Variants in ANK1 observed in about 807,000 individuals in gnomAD.
ANK1 encodes ankyrin 1, also known as ankyrin-1.
ANK1 carries 51 observed loss-of-function variants against 210.4 expected under a neutral mutation model. That is an observed-to-expected ratio of 0.24 (90% CI 0.19 to 0.31). The LOEUF is 0.31. ANK1 is among the 10% of genes least tolerant of loss of function. The probability of loss-of-function intolerance (pLI) is 1.00; values close to 1 mark genes in which losing one functional copy is unlikely to be tolerated. For missense variants in ANK1, 2,051 were observed against 2,504.4 expected (o/e 0.82, Z 3.86); for synonymous variants, 967 against 1,025.9 (o/e 0.94, Z 1.10).
intron 12 of ANK1, 35 bp downstream of exon 12, chr8:41,717,569 T>C: frequency 6.5e-7 from 1 of 1,530,406 alleles, no homozygotes; most frequent in Non-Finnish European, 8.9e-7. Flanking sequence ...GCTCTTGGTC[T>C]AGGGGAGCAA....
intron 1 of ANK1, among the ~76,000 whole-genome samples, chr8:41,834,101 CT>C (rs1316411334): frequency 3.3e-5 from 5 of 152,148 alleles, no homozygotes; most frequent in Admixed American, 2.6e-4. Flanking sequence ...GGGTTTCCCC[CT>C]GTCCCAAGCA....
At chr8:41,832,786 G>A (rs924623301) in intron 1 of ANK1, among the ~76,000 whole-genome samples, 3 of 152,222 alleles carry the variant, frequency 2.0e-5, no homozygotes, top group African/African-American at 7.2e-5. Flanking sequence ...TCTGTCCTGT[G>A]CAATATTTGT....
intron 38 of ANK1, among the ~76,000 whole-genome samples, chr8:41,669,441 C>T (rs1319528183): frequency 2.0e-5 from 3 of 152,046 alleles, no homozygotes; most frequent in Non-Finnish European, 4.4e-5. Context: ...GGACTGCAGG[C>T]ACACGCCACC....
upstream of ANK1, among the ~76,000 whole-genome samples, chr8:41,798,234 G>A (rs938791012): frequency 2.0e-5 from 3 of 152,036 alleles, no homozygotes; most frequent in Non-Finnish European, 4.4e-5. Flanking sequence ...CTCCAAGGCC[G>A]GGGAGCCTCC....
chr8:41,661,096 G>A, intron 42 of ANK1: 1 of 359,588 alleles, frequency 2.8e-6, no homozygotes, highest in Non-Finnish European at 5.3e-6. Flanking sequence ...GGCTGGTCTT[G>A]AACTCCTGGC....
chr8:41,808,172 C>T (rs1055282056), intron 1 of ANK1, among the ~76,000 whole-genome samples: 3 of 152,188 alleles, frequency 2.0e-5, no homozygotes, highest in Non-Finnish European at 4.4e-5. Context: ...CTACCTGCTG[C>T]ACCAACTCAG....
At chr8:41,796,612 G>A (rs1283794483) in intron 1 of ANK1, among the ~76,000 whole-genome samples, 2 of 149,802 alleles carry the variant, frequency 1.3e-5, no homozygotes, top group Non-Finnish European at 3.0e-5. Flanking sequence ...AGAAATTCCC[G>A]CTTAGTATTG....
At chr8:41,800,051 C>T (rs561274680), upstream of ANK1, among the ~76,000 whole-genome samples, 20 of 152,138 alleles carry the variant, frequency 1.3e-4, no homozygotes, top group Non-Finnish European at 4.4e-5. Flanking sequence ...CCTTGTTTCC[C>T]TCGAGTCTCT....
At chr8:41,892,116 G>A (rs966588227) in intron 1 of ANK1, among the ~76,000 whole-genome samples, 8 of 152,054 alleles carry the variant, frequency 5.3e-5, no homozygotes, top group Admixed American at 1.3e-4. Context: ...GAAAGTCATG[G>A]GCCAACATGA....
intron 1 of ANK1, among the ~76,000 whole-genome samples, chr8:41,768,866 G>A (rs1842433141): frequency 1.3e-5 from 2 of 152,136 alleles, no homozygotes; most frequent in Admixed American, 6.5e-5. Context: ...GGCTACTCAG[G>A]AGGCTGTGAC....
intron 1 of ANK1, among the ~76,000 whole-genome samples, chr8:41,860,606 G>A (rs1813099741): frequency 6.6e-6 from 1 of 152,190 alleles, no homozygotes; most frequent in South Asian, 2.1e-4. Context: ...ATGGGGGAAG[G>A]AAAGAACCTA....
chr8:41,813,033 G>T (rs1414944269), intron 1 of ANK1, among the ~76,000 whole-genome samples: 1 of 152,142 alleles, frequency 6.6e-6, no homozygotes, highest in Admixed American at 6.5e-5. Flanking sequence ...CCACCAAAGC[G>T]TCATTTCTAT....
At chr8:41,860,370 GA>G (rs1257412608) in intron 1 of ANK1, among the ~76,000 whole-genome samples, 3 of 152,202 alleles carry the variant, frequency 2.0e-5, no homozygotes, top group Non-Finnish European at 4.4e-5. Context: ...ACTACAAAGA[GA>G]AGCTCGATCA....
At chr8:41,892,243 C>G (rs1472391069) in intron 1 of ANK1, among the ~76,000 whole-genome samples, 2 of 152,174 alleles carry the variant, frequency 1.3e-5, no homozygotes, top group Non-Finnish European at 1.5e-5. Context: ...GGTGCCCCCC[C>G]ACCCCAAATC....
At chr8:41,779,674 C>T (rs1317935985) in intron 1 of ANK1, among the ~76,000 whole-genome samples, 5 of 152,186 alleles carry the variant, frequency 3.3e-5, no homozygotes, top group Non-Finnish European at 7.3e-5. Context: ...AAGCATTTTA[C>T]AAGTGTTCAC....
At chr8:41,674,855 G>A (rs1016574649) in intron 37 of ANK1, among the ~76,000 whole-genome samples, 18 of 152,158 alleles carry the variant, frequency 1.2e-4, no homozygotes, top group Admixed American at 3.9e-4. Context: ...GAACAAGGAG[G>A]AAGGAGTGGG....
intron 1 of ANK1, among the ~76,000 whole-genome samples, chr8:41,846,231 G>A (rs925695018): frequency 3.3e-5 from 5 of 152,342 alleles, no homozygotes; most frequent in South Asian, 2.1e-4. Context: ...AGACTAAGAC[G>A]AACTGCTGAG....
chr8:41,756,252 TCTTCTGC>T (rs1839125502), intron 2 of ANK1, among the ~76,000 whole-genome samples: 1 of 151,694 alleles, frequency 6.6e-6, no homozygotes, highest in Non-Finnish European at 1.5e-5. Flanking sequence ...TTCTAGCGAT[TCTTCTGC>T]CTCAGCTTCC....
intron 2 of ANK1, among the ~76,000 whole-genome samples, chr8:41,752,179 A>G (rs192724393): frequency 1.3e-3 from 196 of 152,118 alleles, no homozygotes; most frequent in Non-Finnish European, 1.7e-3. Flanking sequence ...AGTGTCTCCC[A>G]TCAGCTGACT....
Sources: gnomAD v4.1 joint callset for allele counts (sites outside exome capture counted in the v4.1 genomes callset) on GRCh38, gnomAD v4.1.1 for gene constraint, MANE v1.5 for transcripts, NCBI Gene and HGNC (gene_info 2026-07-23, HGNC 2026-07-21) for gene names.